PFKFB3: variants seen among roughly 807,000 people sequenced by gnomAD.
PFKFB3 encodes the protein 6-phosphofructo-2-kinase/fructose-2,6-biphosphatase 3, also known as 6-phosphofructo-2-kinase/fructose-2,6-bisphosphatase 3.
Under a neutral mutation model 68.0 loss-of-function variants are expected in PFKFB3, and 33 were observed. That is an observed-to-expected ratio of 0.49 (90% CI 0.37 to 0.65). The LOEUF (loss-of-function observed/expected upper bound fraction) is 0.65. Among genes scored for constraint, PFKFB3 ranks in the 30% least tolerant of loss-of-function variants. The pLI is 0.00. For synonymous variants in PFKFB3, 315 were observed against 288.2 expected (o/e 1.09, Z -0.94); for missense variants, 586 against 712.2 (o/e 0.82, Z 2.02).
chr10:6,315,370 C>G, the PFKFB3 span, among the ~76,000 whole-genome samples: 6 of 152,318 alleles, frequency 3.9e-5, no homozygotes, highest in African/African-American at 1.4e-4. Flanking sequence ...AAAGCGAAAG[C>G]AAGTTTATTA....
chr10:6,258,724 A>C (rs1175117428), downstream of PFKFB3, among the ~76,000 whole-genome samples: 1 of 152,208 alleles, frequency 6.6e-6, no homozygotes. Context: ...TCTGAGTGGA[A>C]AAATTACTCT....
intron 1 of PFKFB3, among the ~76,000 whole-genome samples, chr10:6,151,639 G>A (rs556469220): frequency 1.3e-5 from 2 of 152,154 alleles, no homozygotes; most frequent in South Asian, 2.1e-4. Flanking sequence ...TGCTGAAGTC[G>A]TCCCAGAGGC....
chr10:6,188,161 G>A (rs966706205), intron 1 of PFKFB3, among the ~76,000 whole-genome samples: 5 of 151,738 alleles, frequency 3.3e-5, no homozygotes, highest in Admixed American at 6.6e-5. Flanking sequence ...AGAGTTAGAC[G>A]CAGACATGAT....
At chr10:6,207,929 C>T (rs1458148902) in intron 1 of PFKFB3, among the ~76,000 whole-genome samples, 1 of 152,166 alleles carries the variant, frequency 6.6e-6, no homozygotes, top group East Asian at 1.9e-4. Flanking sequence ...CTGAGGGATC[C>T]TGGGTACCGG....
intron 1 of PFKFB3, among the ~76,000 whole-genome samples, chr10:6,206,101 A>C (rs904675741): frequency 1.3e-5 from 2 of 150,234 alleles, no homozygotes; most frequent in African/African-American, 4.9e-5. Flanking sequence ...TGGTTTTCCT[A>C]GGCAGAGTGT....
chr10:6,153,453 T>C (rs754252598), intron 1 of PFKFB3, among the ~76,000 whole-genome samples: 5 of 152,126 alleles, frequency 3.3e-5, no homozygotes, highest in African/African-American at 4.8e-5. Flanking sequence ...TGGTAGATGC[T>C]TTGAGTGGCT....
At chr10:6,258,376 A>G (rs1157281086), downstream of PFKFB3, among the ~76,000 whole-genome samples, 1 of 152,210 alleles carries the variant, frequency 6.6e-6, no homozygotes, top group Non-Finnish European at 1.5e-5. Flanking sequence ...AAAGACAGAA[A>G]TGCACAAGGC....
At chr10:6,200,378 T>A (rs1843297551), upstream of PFKFB3, among the ~76,000 whole-genome samples, 1 of 151,994 alleles carries the variant, frequency 6.6e-6, no homozygotes, top group Admixed American at 6.6e-5. Context: ...TAGTTGGACA[T>A]TTGGGGTGAA....
chr10:6,322,697 ACTTTC>A, the PFKFB3 span, among the ~76,000 whole-genome samples: 1 of 152,086 alleles, frequency 6.6e-6, no homozygotes, highest in Non-Finnish European at 1.5e-5. Flanking sequence ...TCTTTAATGG[ACTTTC>A]CTTTCACCTG....
chr10:6,308,598 C>T, the PFKFB3 span, among the ~76,000 whole-genome samples: 13 of 152,248 alleles, frequency 8.5e-5, no homozygotes, highest in African/African-American at 2.9e-4. Context: ...ATTTAGACTC[C>T]TTTAATTTAT....
chr10:6,220,790 C>T lies in PFKFB3; in HGVS notation c.756C>T (p.Cys252=). The T allele has an allele frequency of 6.2e-7, 1 of 1,613,986 alleles. No individual in the cohort carries two copies. Among genetic ancestry groups the T allele is most frequent in the South Asian group, 1.1e-5 (1 of 91,080 alleles). ...IHVQPRTIYL[C]RHGENEHNLQ... ...TGCAGCCGCGTACCATCTACCTGTG[C>T]CGGCACGGCGAGAACGAGCACAACC... is the stretch of plus-strand genomic sequence containing the variant. Residue 252 remains cysteine (C), a synonymous_variant, in exon 8 of 15, where the codon TGC becomes TGT. Transcript: ENST00000379775. The surrounding 1 kb of genome is among the most constrained non-coding windows in gnomAD (Gnocchi z 4.1).
At chr10:6,209,928 C>G (rs1255066865) in intron 1 of PFKFB3, among the ~76,000 whole-genome samples, 2 of 152,004 alleles carry the variant, frequency 1.3e-5, no homozygotes, top group Non-Finnish European at 2.9e-5. Context: ...TCACGCCTGG[C>G]TAATGTTTTG....
intron 14 of PFKFB3, among the ~76,000 whole-genome samples, chr10:6,245,543 C>T (rs961129669): frequency 2.0e-5 from 3 of 151,966 alleles, no homozygotes; most frequent in South Asian, 4.2e-4. Context: ...CAGCCTCCCC[C>T]GTAGCTGGGA....
chr10:6,207,326 A>G (rs925231465), intron 1 of PFKFB3, among the ~76,000 whole-genome samples: 4 of 152,212 alleles, frequency 2.6e-5, no homozygotes, highest in African/African-American at 7.2e-5. Context: ...AATCGCAGGC[A>G]CTCGGCAGGC....
At chr10:6,165,815 G>A (rs931171810) in intron 1 of PFKFB3, among the ~76,000 whole-genome samples, 13 of 150,940 alleles carry the variant, frequency 8.6e-5, no homozygotes, top group Middle Eastern at 3.4e-3. Context: ...TTTTTTCTTT[G>A]TCTTTGTTTT....
chr10:6,271,754 A>G, the PFKFB3 span, among the ~76,000 whole-genome samples: 1 of 152,242 alleles, frequency 6.6e-6, no homozygotes, highest in African/African-American at 2.4e-5. Context: ...AAATAGCCAC[A>G]GCGCCTTCTC....
chr10:6,322,625 C>T, the PFKFB3 span, among the ~76,000 whole-genome samples: 2 of 152,374 alleles, frequency 1.3e-5, no homozygotes, highest in South Asian at 4.1e-4. Context: ...GCTCGTGATG[C>T]TCCAGTAACA....
intron 1 of PFKFB3, among the ~76,000 whole-genome samples, chr10:6,184,387 C>G (rs1842813850): frequency 6.6e-6 from 1 of 152,076 alleles, no homozygotes; most frequent in Admixed American, 6.6e-5. Context: ...CCCCCAAAAG[C>G]CCCATCCTGG....
chr10:6,159,812 T>C (rs1053681493), intron 1 of PFKFB3, among the ~76,000 whole-genome samples: 1 of 152,012 alleles, frequency 6.6e-6, no homozygotes, highest in Admixed American at 6.6e-5. Context: ...GATTGTCACC[T>C]AGGCTGGAGT....
Sources: allele counts gnomAD v4.1 joint callset (sites outside exome capture counted in the v4.1 genomes callset), GRCh38; gene constraint gnomAD v4.1.1; non-coding constraint Gnocchi (gnomAD v3.1); transcripts MANE v1.5; gene names NCBI Gene and HGNC (gene_info 2026-07-23, HGNC 2026-07-21).